EPSTI1: variants seen among roughly 807,000 people sequenced by gnomAD.
EPSTI1 encodes epithelial stromal interaction 1.
In EPSTI1, 66 loss-of-function variants were observed where a neutral mutation model predicts 49.9. The ratio of observed to expected loss-of-function variants is 1.32; its 90% CI spans 1.08 to 1.62. EPSTI1 has a LOEUF of 1.62. Among genes scored for constraint, EPSTI1 ranks in the 40% most tolerant of loss-of-function variants. EPSTI1 has a pLI of 0.00. For missense variants in EPSTI1, 394 were observed against 365.5 expected (o/e 1.08, Z -0.64); for synonymous variants, 137 against 130.7 (o/e 1.05, Z -0.33).
chr13:42,963,319 A>G lies in EPSTI1; in HGVS notation c.425T>C (p.Val142Ala). 1 of 1,612,688 alleles carries G rather than the reference A, an allele frequency of 6.2e-7. No homozygotes were observed. The highest frequency in any genetic ancestry group is 8.5e-7 in the Non-Finnish European group (1 of 1,179,618). Residue 142 changes from valine (V) to alanine (A), a missense_variant, in exon 5 of 11, where the codon GTA becomes GCA. Val to Ala is a moderately conservative substitution (Grantham distance 64, BLOSUM62 0). Coordinates refer to ENST00000313624, the MANE Select transcript of EPSTI1 (RefSeq NM_033255.5). ...YKQKLKREES[V>A]RIKKEAEEAE... ...TTCTTCAGCTTCCTTCTTGATTCTT[A>G]CAGATTCTTCTCTTTTTAGCTAAAT...
chr13:42,962,403 C>T lies in EPSTI1; in HGVS notation c.489+852G>A, dbSNP rs931970357. Reference sequence around the variant, plus strand: ...AACTCTCTCTCCCCATCTCTCACATCCTGGCAAATTTATGCCAACAGAATT... The same window carrying T: ...AACTCTCTCTCCCCATCTCTCACATTCTGGCAAATTTATGCCAACAGAATT... On this transcript the variant is annotated intron_variant, in intron 5 of 10. Transcript: ENST00000313624. Among the ~76,000 whole-genome samples, 73 of 152,132 alleles carry T rather than the reference C, an allele frequency of 4.8e-4. 1 individual carries two copies. The highest frequency in any genetic ancestry group is 1.7e-3 in the African/African-American group (69 of 41,412).
rs1315072317 is a variant in EPSTI1, at chr13:42,992,205, G to A, written c.-40C>T. 2 of 1,499,840 alleles carry A rather than the reference G, an allele frequency of 1.3e-6. No homozygotes were observed. Among genetic ancestry groups the A allele is most frequent in the East Asian group, 2.3e-5 (1 of 42,822 alleles). The allele number at this position is 1,499,840 out of a possible 1,614,324, so 92.9% of individuals were successfully genotyped here. On this transcript the variant is annotated 5_prime_UTR_variant, in exon 1 of 11. Transcript: ENST00000313624. ...GGGTCCCGGGCCGCCGTCGCTGCGGGAGGGATGCGGCTGGGACGCTTAGCG... is the reference window on the plus strand; with the variant it reads ...GGGTCCCGGGCCGCCGTCGCTGCGGAAGGGATGCGGCTGGGACGCTTAGCG...
At chr13:42,900,409 A>C in intron 8 of EPSTI1, 26 bp from the exon 9 acceptor site, 1 of 1,605,814 alleles carries the variant, frequency 6.2e-7, no homozygotes, top group East Asian at 2.2e-5. Context: ...GTTTTAAAAT[A>C]TGGTTTTCAA....
intron 6 of EPSTI1, among the ~76,000 whole-genome samples, chr13:42,950,300 TA>T (rs928108290): frequency 6.6e-6 from 1 of 152,244 alleles, no homozygotes; most frequent in African/African-American, 2.4e-5. Context: ...GGTCTTTTCA[TA>T]AAAACCATCC....
At chr13:42,955,890 A>C (rs1267077974) in intron 5 of EPSTI1, among the ~76,000 whole-genome samples, 2 of 102,496 alleles carry the variant, frequency 2.0e-5, no homozygotes, top group Non-Finnish European at 4.0e-5. Context: ...GGGGGGGGGG[A>C]AGTAGTAGTA....
At chr13:42,978,070 G>A (rs963129728) in intron 1 of EPSTI1, among the ~76,000 whole-genome samples, 21 of 151,950 alleles carry the variant, frequency 1.4e-4, no homozygotes, top group South Asian at 8.3e-4. Flanking sequence ...GGAGAATGGC[G>A]TGAACCCGGG....
rs2036896486 is a variant in EPSTI1, at chr13:42,887,465, T to C, written c.*1029A>G. The C allele has an allele frequency of 6.6e-6, 1 of 152,238 alleles. No homozygotes were observed. Among genetic ancestry groups the C allele is most frequent in the Non-Finnish European group, 1.5e-5 (1 of 68,050 alleles). 9.4% of individuals were successfully genotyped at this position (152,238 alleles called of 1,614,324 possible). A position where few individuals can be genotyped will look rare whatever the true frequency, so the allele number is the denominator to read the frequency against. On this transcript the variant is annotated 3_prime_UTR_variant, in exon 11 of 11. Transcript: ENST00000313624. Reference sequence around the variant, plus strand: ...GATCTCTTAATGCTGCAAAGTATTATTAGTTGTCCAGCTGCAAAGATGATT... The same window carrying C: ...GATCTCTTAATGCTGCAAAGTATTACTAGTTGTCCAGCTGCAAAGATGATT...
At chr13:42,941,733 GT>G (rs905140573) in intron 6 of EPSTI1, among the ~76,000 whole-genome samples, 25 of 146,612 alleles carry the variant, frequency 1.7e-4, no homozygotes, top group African/African-American at 3.7e-4. Flanking sequence ...GATTTGGGGT[GT>G]TTTTTTTTTG....
At chr13:42,912,355 G>T (rs2037711759) in intron 8 of EPSTI1, among the ~76,000 whole-genome samples, 1 of 152,146 alleles carries the variant, frequency 6.6e-6, no homozygotes, top group Admixed American at 6.5e-5. Flanking sequence ...TACATAGTAG[G>T]CAGCACTATC....
At chr13:42,920,608 C>CAT (rs1224193396) in intron 7 of EPSTI1, among the ~76,000 whole-genome samples, 1 of 152,144 alleles carries the variant, frequency 6.6e-6, no homozygotes, top group Non-Finnish European at 1.5e-5. Context: ...CCTTCACCCC[C>CAT]ATATACCTGC....
At chr13:42,927,457 C>T (rs1438221882) in intron 6 of EPSTI1, among the ~76,000 whole-genome samples, 1 of 152,224 alleles carries the variant, frequency 6.6e-6, no homozygotes, top group Non-Finnish European at 1.5e-5. Context: ...CCTCCTCCTG[C>T]TAGCCCTCTG....
intron 6 of EPSTI1, among the ~76,000 whole-genome samples, chr13:42,929,332 G>A (rs181007729): frequency 2.6e-4 from 40 of 152,156 alleles, no homozygotes; most frequent in Non-Finnish European, 4.0e-4. Flanking sequence ...TTACAGCTTC[G>A]TAGTCACTCT....
chr13:42,962,636 T>A (rs67543365), intron 5 of EPSTI1, among the ~76,000 whole-genome samples: 21,555 of 119,522 alleles, frequency 0.18, 1,958 homozygotes, highest in Middle Eastern at 0.28. Context: ...AAAAAAAAAA[T>A]AGCTATAGTG....
At chr13:42,925,776 T>C (rs1005860773) in intron 7 of EPSTI1, among the ~76,000 whole-genome samples, 1 of 152,234 alleles carries the variant, frequency 6.6e-6, no homozygotes, top group African/African-American at 2.4e-5. Context: ...TACTGATTCA[T>C]AGTTTAAGCT....
chr13:42,947,239 A>C (rs1188276020), intron 6 of EPSTI1, among the ~76,000 whole-genome samples: 1 of 152,240 alleles, frequency 6.6e-6, no homozygotes, highest in Non-Finnish European at 1.5e-5. Context: ...GTGTTATTTT[A>C]CTACCTGTAC....
At position 42,940,372 on chromosome 13, in the gene EPSTI1, TTC is replaced by T. The variant is rs2038712962; in HGVS notation, c.563+13574_563+13575del. Among the ~76,000 whole-genome samples the T allele has an allele frequency of 2.0e-5, 3 of 152,254 alleles. No homozygotes were observed. In the South Asian group the frequency reaches 6.2e-4, roughly 31 times the overall value. On this transcript the variant is annotated intron_variant, in intron 6 of 10. Coordinates refer to ENST00000313624, the MANE Select transcript of EPSTI1 (RefSeq NM_033255.5). ...GTGTTGCCTTCCTAGTACCATTATG[TTC>T]TCTTACCCTACCTCTAACACTATGT... is the stretch of plus-strand genomic sequence containing the variant.
rs189940024 is a variant in EPSTI1, at chr13:42,945,364, A to C, written c.563+8584T>G. On this transcript the variant is annotated intron_variant, in intron 6 of 10. Coordinates refer to ENST00000313624, the MANE Select transcript of EPSTI1 (RefSeq NM_033255.5). ...CCTCCGGCCAGGTCCCTCCCACAAC[A>C]CATGGGAATTATGGGAGCTACAATT... Among the ~76,000 whole-genome samples the C allele has an allele frequency of 3.9e-3, 590 of 152,308 alleles. 1 individual carries two copies. Among genetic ancestry groups the C allele is most frequent in the Non-Finnish European group, 6.1e-3 (413 of 68,026 alleles).
At position 42,990,565 on chromosome 13, in the gene EPSTI1, G is replaced by A. The variant is rs1213042711; in HGVS notation, c.188+1413C>T. On this transcript the variant is annotated intron_variant, in intron 1 of 10. Coordinates refer to ENST00000313624, the MANE Select transcript of EPSTI1 (RefSeq NM_033255.5). The stretch of plus-strand genomic sequence containing the variant: ...TTACTGTTAAGTACTATAGCTTGTA[G>A]ATACGTGGGTTACTTGAAAGTAATT... 2.0e-5 allele frequency among the ~76,000 whole-genome samples: 3 copies of A among 152,198 alleles called. No homozygotes were observed. In the East Asian group the frequency reaches 5.8e-4, roughly 29 times the overall value.
chr13:42,972,100 T>C (rs186608586), intron 1 of EPSTI1, among the ~76,000 whole-genome samples: 10 of 152,302 alleles, frequency 6.6e-5, no homozygotes, highest in Admixed American at 5.2e-4. Context: ...TGGTGAGCCA[T>C]GCTACAGAGA....
Sources: gnomAD v4.1 joint callset for allele counts (sites outside exome capture counted in the v4.1 genomes callset) on GRCh38, gnomAD v4.1.1 for gene constraint, MANE v1.5 for transcripts, NCBI Gene and HGNC (gene_info 2026-07-23, HGNC 2026-07-21) for gene names.